The following KCNK9 variants were observed in gnomAD, a reference collection of about 807,000 sequenced individuals.
KCNK9 encodes the protein potassium two pore domain channel subfamily K member 9, also known as potassium channel subfamily K member 9.
In KCNK9, 1 loss-of-function variant was observed where a neutral mutation model predicts 10.8. The observed-to-expected ratio is 0.09, with a 90% CI of 0.03 to 0.44. The LOEUF (loss-of-function observed/expected upper bound fraction) is 0.44. Among genes scored for constraint, KCNK9 ranks in the 20% least tolerant of loss-of-function variants. The probability of loss-of-function intolerance (pLI) is 0.97; values close to 1 mark genes in which losing one functional copy is unlikely to be tolerated. For synonymous variants in KCNK9, 231 were observed against 222.7 expected (o/e 1.04, Z -0.33); for missense variants, 303 against 515.0 (o/e 0.59, Z 3.98).
At chr8:139,634,212 T>G (rs1815264052) in intron 1 of KCNK9, among the ~76,000 whole-genome samples, 1 of 152,178 alleles carries the variant, frequency 6.6e-6, no homozygotes, top group South Asian at 2.1e-4. Flanking sequence ...ACCAGGTAAG[T>G]GCCACTCATG....
chr8:139,668,422 CTTT>C (rs35809199), intron 1 of KCNK9, among the ~76,000 whole-genome samples: 2 of 140,664 alleles, frequency 1.4e-5, no homozygotes. Flanking sequence ...GTAAACAATA[CTTT>C]TTTTTTTTTT....
chr8:139,683,251 G>A (rs576740318), intron 1 of KCNK9, among the ~76,000 whole-genome samples: 66 of 152,264 alleles, frequency 4.3e-4, no homozygotes, highest in African/African-American at 1.5e-3. Context: ...AAGAGCAGGT[G>A]CCCTGGAAGC....
chr8:139,608,698 C>G (rs1274487521), downstream of KCNK9, among the ~76,000 whole-genome samples: 1 of 152,182 alleles, frequency 6.6e-6, no homozygotes, highest in Non-Finnish European at 1.5e-5. Context: ...CACGCCGTAC[C>G]CAGCTCAGGT....
intron 1 of KCNK9, among the ~76,000 whole-genome samples, chr8:139,645,329 C>CA (rs1023365444): frequency 6.6e-6 from 1 of 152,188 alleles, no homozygotes; most frequent in African/African-American, 2.4e-5. Context: ...CCACTAGACT[C>CA]AAGGATTCAG....
chr8:139,692,427 A>C (rs1189842612), intron 1 of KCNK9, among the ~76,000 whole-genome samples: 1 of 152,146 alleles, frequency 6.6e-6, no homozygotes, highest in Non-Finnish European at 1.5e-5. Flanking sequence ...CCTCCCTTTC[A>C]CGAAACACTC....
intron 1 of KCNK9, among the ~76,000 whole-genome samples, chr8:139,637,958 G>A (rs1815390161): frequency 6.6e-6 from 1 of 152,068 alleles, no homozygotes; most frequent in Non-Finnish European, 1.5e-5. Context: ...AGAATGTGAG[G>A]AAGCTGTGCT....
intron 1 of KCNK9, among the ~76,000 whole-genome samples, chr8:139,637,578 G>A (rs1298383687): frequency 1.3e-5 from 2 of 152,168 alleles, no homozygotes; most frequent in African/African-American, 4.8e-5. Flanking sequence ...TCAAACTCAT[G>A]GAAGCAGAGA....
At chr8:139,654,347 G>T (rs1473399350) in intron 1 of KCNK9, among the ~76,000 whole-genome samples, 1 of 152,208 alleles carries the variant, frequency 6.6e-6, no homozygotes, top group Admixed American at 6.5e-5. Context: ...CAGAGCTGCT[G>T]AACAGGACGC....
intron 1 of KCNK9, among the ~76,000 whole-genome samples, chr8:139,687,366 A>G (rs1460067073): frequency 6.9e-6 from 1 of 145,250 alleles, no homozygotes; most frequent in Non-Finnish European, 1.5e-5. Flanking sequence ...ATACATATAT[A>G]TGTGTATACA....
rs543539453 is a variant in KCNK9, at chr8:139,702,601, G to A, written c.283+109C>T. The A allele has an allele frequency of 8.7e-7, 1 of 1,146,638 alleles. No individual in the cohort carries two copies. Among genetic ancestry groups the A allele is most frequent in the South Asian group, 1.5e-5 (1 of 64,540 alleles). 71.0% of individuals were successfully genotyped at this position (1,146,638 alleles called of 1,614,324 possible). A position where few individuals can be genotyped will look rare whatever the true frequency, so the allele number is the denominator to read the frequency against. On this transcript the variant is annotated intron_variant, in intron 1 of 1. Coordinates refer to ENST00000520439, the MANE Select transcript of KCNK9 (RefSeq NM_001282534.2). The surrounding 1 kb of genome is among the most constrained non-coding windows in gnomAD (Gnocchi z 7.5). ...GCGCTGCGGGAAGGCCCCCAAGGGA[G>A]GCTGCGTTTAACCCTCGACGCCCTG...
intron 1 of KCNK9, among the ~76,000 whole-genome samples, chr8:139,689,411 G>C (rs1816886927): frequency 6.6e-6 from 1 of 152,204 alleles, no homozygotes; most frequent in Non-Finnish European, 1.5e-5. Flanking sequence ...TCATGGTGAG[G>C]AGTAGGTGGC....
intron 1 of KCNK9, among the ~76,000 whole-genome samples, chr8:139,619,434 C>A (rs544664823): frequency 6.6e-6 from 1 of 152,082 alleles, no homozygotes; most frequent in South Asian, 2.1e-4. Flanking sequence ...GAGGAACATT[C>A]GAATGCCATC....
At chr8:139,697,525 G>A (rs1035310642) in intron 1 of KCNK9, among the ~76,000 whole-genome samples, 1 of 152,160 alleles carries the variant, frequency 6.6e-6, no homozygotes. Context: ...GTGCATGGAG[G>A]ACTAAGTGAG....
At chr8:139,635,384 G>T (rs1815307426) in intron 1 of KCNK9, among the ~76,000 whole-genome samples, 1 of 152,238 alleles carries the variant, frequency 6.6e-6, no homozygotes, top group South Asian at 2.1e-4. Context: ...GCCTAGCCCT[G>T]CCCCAAAGGG....
chr8:139,651,294 G>A (rs147897142), intron 1 of KCNK9, among the ~76,000 whole-genome samples: 1 of 152,290 alleles, frequency 6.6e-6, no homozygotes, highest in East Asian at 1.9e-4. Context: ...ACCTGTGGGG[G>A]TCCCCCTGCC....
chr8:139,618,101 G>C lies in KCNK9; in HGVS notation c.*157C>G. 1 of 1,049,964 alleles carries C rather than the reference G, an allele frequency of 9.5e-7. No individual in the cohort carries two copies. The highest frequency in any genetic ancestry group is 1.4e-6 in the Non-Finnish European group (1 of 727,324). 65.0% of individuals were successfully genotyped at this position (1,049,964 alleles called of 1,614,324 possible). ...CTGCTCTGTCTGGCTGGAAAGGTGG[G>C]GGAAAATGAGACCAAGAGACCAAGA... is the stretch of plus-strand genomic sequence containing the variant. On this transcript the variant is annotated 3_prime_UTR_variant, in exon 2 of 2. Coordinates refer to ENST00000520439, the MANE Select transcript of KCNK9 (RefSeq NM_001282534.2). This position sits in a 1 kb window ranked among gnomAD's most constrained non-coding sequence, Gnocchi z 7.9.
intron 1 of KCNK9, among the ~76,000 whole-genome samples, chr8:139,670,623 G>C (rs1276909185): frequency 6.6e-6 from 1 of 152,064 alleles, no homozygotes; most frequent in Non-Finnish European, 1.5e-5. Flanking sequence ...GTTTCGGAGA[G>C]GATCCATTCT....
intron 2 of KCNK9, among the ~76,000 whole-genome samples, chr8:139,605,149 CT>C (rs1817458347): frequency 6.6e-6 from 1 of 152,234 alleles, no homozygotes; most frequent in African/African-American, 2.4e-5. Flanking sequence ...CTCGTTTTCC[CT>C]TCTTGTGTCC....
chr8:139,610,265 C>T (rs1364952530), downstream of KCNK9, among the ~76,000 whole-genome samples: 1 of 152,150 alleles, frequency 6.6e-6, no homozygotes, highest in Non-Finnish European at 1.5e-5. Context: ...GGGTGACAGA[C>T]CCATAGGTCT....
Sources: gnomAD v4.1 joint callset for allele counts (sites outside exome capture counted in the v4.1 genomes callset) on GRCh38, gnomAD v4.1.1 for gene constraint, Gnocchi (gnomAD v3.1) non-coding constraint, MANE v1.5 for transcripts, NCBI Gene and HGNC (gene_info 2026-07-23, HGNC 2026-07-21) for gene names.